The following HYCC2 variants were observed in gnomAD, a reference collection of about 807,000 sequenced individuals.
The protein encoded by HYCC2 is hyccin PI4KA lipid kinase complex subunit 2.
the HYCC2 span, among the ~76,000 whole-genome samples, chr2:201,050,599 GAAA>G: frequency 1.4e-5 from 1 of 71,648 alleles, no homozygotes; most frequent in African/African-American, 5.1e-5. Context: ...CTCAAAAAAA[GAAA>G]AAAAAAAAAA....
chr2:200,985,981 A>G, the HYCC2 span, among the ~76,000 whole-genome samples: 1 of 152,226 alleles, frequency 6.6e-6, no homozygotes, highest in African/African-American at 2.4e-5. Context: ...TTCTAGCAAT[A>G]GTAGTAGATA....
At chr2:201,063,496 C>A in the HYCC2 span, 7 of 1,591,968 alleles carry the variant, frequency 4.4e-6, no homozygotes, top group Non-Finnish European at 6.0e-6. Context: ...TGATTGAAAT[C>A]ATGACTGACC....
the HYCC2 span, among the ~76,000 whole-genome samples, chr2:201,045,192 G>A: frequency 6.6e-6 from 1 of 152,182 alleles, no homozygotes; most frequent in African/African-American, 2.4e-5. Flanking sequence ...ATAGAATATA[G>A]CCATCATCAA....
the HYCC2 span, among the ~76,000 whole-genome samples, chr2:201,064,443 G>A: frequency 6.6e-6 from 1 of 152,010 alleles, no homozygotes; most frequent in Non-Finnish European, 1.5e-5. Context: ...TTCCCCAACA[G>A]TGTGAAGTTA....
chr2:200,993,029 T>G, the HYCC2 span: 1 of 1,385,826 alleles, frequency 7.2e-7, no homozygotes, highest in African/African-American at 1.4e-5. Context: ...ATTTAACATG[T>G]GATTTCCAGA....
chr2:201,029,448 TA>T, the HYCC2 span, among the ~76,000 whole-genome samples: 1 of 152,328 alleles, frequency 6.6e-6, no homozygotes, highest in East Asian at 1.9e-4. Context: ...CAAAAGATTA[TA>T]AATCATGCTA....
the HYCC2 span, among the ~76,000 whole-genome samples, chr2:200,982,491 C>T: frequency 1.3e-5 from 2 of 152,134 alleles, no homozygotes; most frequent in African/African-American, 4.8e-5. Flanking sequence ...TGTAACTTCA[C>T]AGTCATATTT....
the HYCC2 span, among the ~76,000 whole-genome samples, chr2:201,069,934 G>GA: frequency 3.3e-5 from 5 of 152,084 alleles, no homozygotes; most frequent in African/African-American, 4.8e-5. Flanking sequence ...ATCTTATAAA[G>GA]TTTTTCTGAC....
At chr2:201,029,263 T>C in the HYCC2 span, among the ~76,000 whole-genome samples, 1 of 152,136 alleles carries the variant, frequency 6.6e-6, no homozygotes, top group Non-Finnish European at 1.5e-5. Context: ...TGAGATAACA[T>C]CTTACACCAG....
the HYCC2 span, among the ~76,000 whole-genome samples, chr2:201,049,512 G>GT: frequency 0.022 from 3,192 of 142,804 alleles, 36 homozygotes; most frequent in Non-Finnish European, 0.028. Context: ...CACCACCCCG[G>GT]TTTTTTTTTT....
the HYCC2 span, among the ~76,000 whole-genome samples, chr2:201,036,869 C>A: frequency 6.6e-6 from 1 of 152,160 alleles, no homozygotes; most frequent in South Asian, 2.1e-4. Flanking sequence ...CACTCCTATT[C>A]AACATAGTGT....
At chr2:201,000,483 T>C in the HYCC2 span, among the ~76,000 whole-genome samples, 2 of 152,150 alleles carry the variant, frequency 1.3e-5, no homozygotes, top group Non-Finnish European at 1.5e-5. Flanking sequence ...CATAAAAAAC[T>C]AAAACATACA....
chr2:200,997,149 G>A, the HYCC2 span: 1 of 222,750 alleles, frequency 4.5e-6, no homozygotes, highest in Non-Finnish European at 8.9e-6. Flanking sequence ...CAGCTACTTG[G>A]GAGGCCCAGG....
chr2:201,013,479 CAAAAAAAAAA>C, the HYCC2 span, among the ~76,000 whole-genome samples: 2 of 66,322 alleles, frequency 3.0e-5, no homozygotes. Context: ...CACTCCATTT[CAAAAAAAAAA>C]AAAAAAAAGA....
the HYCC2 span, chr2:200,987,480 G>A: frequency 9.3e-6 from 12 of 1,289,788 alleles, no homozygotes; most frequent in African/African-American, 1.8e-4. Flanking sequence ...AGCCGTGTTG[G>A]ATCGGGGAGC....
the HYCC2 span, chr2:200,988,174 C>T: frequency 8.9e-7 from 1 of 1,129,466 alleles, no homozygotes; most frequent in Non-Finnish European, 1.2e-6. Context: ...TATACAGGGT[C>T]TTTTAATATC....
chr2:201,042,239 G>A, the HYCC2 span, among the ~76,000 whole-genome samples: 1 of 152,242 alleles, frequency 6.6e-6, no homozygotes, highest in Non-Finnish European at 1.5e-5. Flanking sequence ...ATTGCAGACG[G>A]AGTCTCGCTC....
chr2:200,989,724 G>A, the HYCC2 span, among the ~76,000 whole-genome samples: 2 of 152,220 alleles, frequency 1.3e-5, no homozygotes, highest in African/African-American at 2.4e-5. Flanking sequence ...TGGGGCAGGA[G>A]GACCACTTGA....
chr2:200,974,278 T>C, the HYCC2 span: 1 of 151,380 alleles, frequency 6.6e-6, no homozygotes, highest in Non-Finnish European at 1.5e-5. Flanking sequence ...GAAAGTGAGA[T>C]AGTTCTTATT....
Sources: allele counts gnomAD v4.1 joint callset (sites outside exome capture counted in the v4.1 genomes callset), GRCh38; gene constraint gnomAD v4.1.1; transcripts MANE v1.5; gene names NCBI Gene and HGNC (gene_info 2026-07-23, HGNC 2026-07-21).